Variants in SSH2 observed in about 807,000 individuals in gnomAD.
SSH2 encodes slingshot protein phosphatase 2, also known as protein phosphatase Slingshot homolog 2.
In SSH2, 37 loss-of-function variants were observed where a neutral mutation model predicts 135.2. The ratio of observed to expected loss-of-function variants is 0.27; its 90% CI spans 0.21 to 0.36. The LOEUF is 0.36. Ranked by LOEUF, SSH2 falls within the 10% of genes least tolerant of loss-of-function variation. The pLI is 1.00. For missense variants in SSH2, 1,408 were observed against 1,765.3 expected (o/e 0.80, Z 3.63); for synonymous variants, 628 against 646.2 (o/e 0.97, Z 0.43).
chr17:29,673,358 T>C (rs2151049070), intron 8 of SSH2, among the ~76,000 whole-genome samples: 1 of 152,014 alleles, frequency 6.6e-6, no homozygotes, highest in South Asian at 2.1e-4. Context: ...TCACTTGAGG[T>C]CAGGAGATCG....
chr17:29,921,532 G>A (rs1319765308), intron 1 of SSH2, among the ~76,000 whole-genome samples: 1 of 152,056 alleles, frequency 6.6e-6, no homozygotes, highest in Non-Finnish European at 1.5e-5. Flanking sequence ...ATAGAAGATT[G>A]CTAAATATGA....
chr17:29,721,991 G>A (rs1023356707), intron 3 of SSH2, among the ~76,000 whole-genome samples: 2 of 152,140 alleles, frequency 1.3e-5, no homozygotes, highest in African/African-American at 4.8e-5. Context: ...AATGTAATTT[G>A]TAAGGCCGGA....
intron 2 of SSH2, among the ~76,000 whole-genome samples, chr17:29,844,684 C>G (rs1224304923): frequency 6.6e-6 from 1 of 152,212 alleles, no homozygotes; most frequent in Non-Finnish European, 1.5e-5. Flanking sequence ...CAGACAGATC[C>G]TCTCCCCATT....
rs771816008 is a variant in SSH2, at chr17:29,632,978, T to C, written c.2263-47A>G. On this transcript the variant is annotated intron_variant, in intron 15 of 15. Transcript: ENST00000540801. The stretch of plus-strand genomic sequence containing the variant: ...AAGATTATGGCAAACTGTAGTCTAA[T>C]TGAAAATGCTGGATTTTCTGCTTAT... 1.7e-5 allele frequency: 25 copies of C among 1,502,530 alleles called. 1 individual carries two copies. In the East Asian group the frequency reaches 2.3e-4, roughly 14 times the overall value. 93.1% of individuals were successfully genotyped at this position (1,502,530 alleles called of 1,614,324 possible).
chr17:29,776,513 C>G (rs2041704614), intron 3 of SSH2: 1 of 152,174 alleles, frequency 6.6e-6, no homozygotes, highest in African/African-American at 2.4e-5. Context: ...AAGGGTTGTT[C>G]TTGTTTGGTT....
chr17:29,761,871 G>GTGTGTGTATA (rs1334168372), intron 3 of SSH2, among the ~76,000 whole-genome samples: 124 of 98,768 alleles, frequency 1.3e-3, no homozygotes, highest in African/African-American at 4.8e-3. Context: ...GTGTGTGTGT[G>GTGTGTGTATA]TATATATATA....
At chr17:29,685,319 T>C in intron 5 of SSH2, among the ~76,000 whole-genome samples, 1 of 152,162 alleles carries the variant, frequency 6.6e-6, no homozygotes, top group East Asian at 1.9e-4. Context: ...TTAGATGAAA[T>C]TAAGGATTTA....
chr17:29,869,614 C>A (rs2065907335), intron 1 of SSH2, among the ~76,000 whole-genome samples: 1 of 152,200 alleles, frequency 6.6e-6, no homozygotes, highest in Non-Finnish European at 1.5e-5. Context: ...GATCGGGGAA[C>A]TGCCAAGTCA....
chr17:29,845,962 C>G (rs2151383725), intron 2 of SSH2, among the ~76,000 whole-genome samples: 1 of 152,218 alleles, frequency 6.6e-6, no homozygotes, highest in South Asian at 2.1e-4. Flanking sequence ...TTCCCATGCA[C>G]TAGTCTCTTT....
intron 8 of SSH2, 79 bp from the exon 9 acceptor site, chr17:29,672,208 C>A (rs2037524349): frequency 9.3e-7 from 1 of 1,070,688 alleles, no homozygotes; most frequent in Non-Finnish European, 1.3e-6. Context: ...CCAAACTCTT[C>A]TAATTTTTAA....
At chr17:29,655,647 A>G (rs374826510) in intron 11 of SSH2, 40 bp from the exon 12 acceptor site, 20 of 1,576,596 alleles carry the variant, frequency 1.3e-5, no homozygotes, top group Non-Finnish European at 1.7e-5. Context: ...GTATTAGCAA[A>G]TCAACCAAAC....
chr17:29,854,621 C>T (rs536524274), intron 1 of SSH2, among the ~76,000 whole-genome samples: 68 of 151,544 alleles, frequency 4.5e-4, no homozygotes, highest in Admixed American at 4.0e-3. Flanking sequence ...TGTTCAGTTA[C>T]CCAACAATTT....
chr17:29,752,829 C>T (rs1040499053), intron 3 of SSH2, among the ~76,000 whole-genome samples: 1 of 128,944 alleles, frequency 7.8e-6, no homozygotes, highest in African/African-American at 3.4e-5. Context: ...CAGAAGCACA[C>T]TCAAATCACA....
Position 29,650,755 on chromosome 17 carries a change from G to A in SSH2, c.1125C>T (p.Phe375=). Residue 375 remains phenylalanine (F), a synonymous_variant, in exon 13 of 16, where the codon TTC becomes TTT. Transcript: ENST00000540801. ...LNVTREIDNF[F]PGVFEYHNIR... ...TGTTATGATACTCAAAGACTCCTGG[G>A]AAGAAGTTATCTATCTCTCGAGTGA... 1 of 1,613,878 alleles carries A rather than the reference G, an allele frequency of 6.2e-7. No individual in the cohort carries two copies. The highest frequency in any genetic ancestry group is 8.5e-7 in the Non-Finnish European group (1 of 1,179,904).
rs1485768802 is a variant in SSH2, at chr17:29,629,916, T to G, written c.*925A>C. The G allele has an allele frequency of 6.6e-6, 1 of 152,570 alleles. No individual in the cohort carries two copies. Among genetic ancestry groups the G allele is most frequent in the Non-Finnish European group, 1.5e-5 (1 of 68,020 alleles). The allele number at this position is 152,570 out of a possible 1,614,324, so 9.5% of individuals were successfully genotyped here. ...AAGAATTATTCAAGTAATGGAAGGG[T>G]TAAAACCCTACATACATATTCATTT... On this transcript the variant is annotated 3_prime_UTR_variant, in exon 16 of 16. Transcript: ENST00000540801.
At chr17:29,783,356 A>G (rs1057026608) in intron 3 of SSH2, among the ~76,000 whole-genome samples, 5 of 147,298 alleles carry the variant, frequency 3.4e-5, no homozygotes, top group African/African-American at 1.2e-4. Flanking sequence ...GAATTTTTTA[A>G]GTATTAACTT....
chr17:29,666,066 C>T (rs777221871), intron 11 of SSH2, among the ~76,000 whole-genome samples: 1 of 152,108 alleles, frequency 6.6e-6, no homozygotes, highest in African/African-American at 2.4e-5. Context: ...GGGCCAGGCG[C>T]GATGGCTCAT....
chr17:29,727,611 C>T (rs1012715425), intron 3 of SSH2, among the ~76,000 whole-genome samples: 2 of 152,154 alleles, frequency 1.3e-5, no homozygotes, highest in Non-Finnish European at 2.9e-5. Flanking sequence ...TATATCTTAA[C>T]CACAGAAAAG....
At chr17:29,643,742 C>T (rs2036260646) in intron 14 of SSH2, among the ~76,000 whole-genome samples, 1 of 152,190 alleles carries the variant, frequency 6.6e-6, no homozygotes, top group Non-Finnish European at 1.5e-5. Context: ...GATCCACCCG[C>T]CTCGGCCTCC....
Sources: allele counts gnomAD v4.1 joint callset (sites outside exome capture counted in the v4.1 genomes callset), GRCh38; gene constraint gnomAD v4.1.1; transcripts MANE v1.5; gene names NCBI Gene and HGNC (gene_info 2026-07-23, HGNC 2026-07-21).